The following ZMYM2 variants were observed in gnomAD, a reference collection of about 807,000 sequenced individuals.
ZMYM2 encodes the protein zinc finger MYM-type protein 2.
ZMYM2 carries 56 observed loss-of-function variants against 162.8 expected under a neutral mutation model. The observed-to-expected ratio is 0.34, with a 90% confidence interval of 0.28 to 0.43. ZMYM2 has a LOEUF of 0.43. Ranked by LOEUF, ZMYM2 falls within the 20% of genes least tolerant of loss-of-function variation. ZMYM2 has a pLI of 1.00. For missense variants in ZMYM2, 1,275 were observed against 1,621.8 expected, an observed-to-expected ratio of 0.79 and a Z score of 3.67; for synonymous variants, 510 against 541.6, an observed-to-expected ratio of 0.94 and a Z score of 0.81.
chr13:20,079,377 G>T (rs1426097840), intron 21 of ZMYM2, among the ~76,000 whole-genome samples: 2 of 80,066 alleles, frequency 2.5e-5, no homozygotes, highest in East Asian at 3.8e-4. Flanking sequence ...CATAATTGAA[G>T]ACTTTCTGTG....
chr13:19,995,771 G>A (rs1949973911), intron 3 of ZMYM2, among the ~76,000 whole-genome samples: 1 of 152,114 alleles, frequency 6.6e-6, no homozygotes, highest in South Asian at 2.1e-4. Context: ...TTAAAATATG[G>A]AAGTGATAAG....
the ZMYM2 span, among the ~76,000 whole-genome samples, chr13:19,920,397 C>T: frequency 6.6e-6 from 1 of 152,022 alleles, no homozygotes; most frequent in Admixed American, 6.6e-5. Flanking sequence ...TCATCTCTTG[C>T]TCTGTGGAAA....
At chr13:19,942,917 T>G in the ZMYM2 span, among the ~76,000 whole-genome samples, 1 of 152,116 alleles carries the variant, frequency 6.6e-6, no homozygotes, top group Non-Finnish European at 1.5e-5. Flanking sequence ...CTTGGGGAAT[T>G]ACATGCTAAA....
At chr13:20,051,820 G>A (rs1172390865) in intron 13 of ZMYM2, among the ~76,000 whole-genome samples, 2 of 152,076 alleles carry the variant, frequency 1.3e-5, no homozygotes, top group Non-Finnish European at 2.9e-5. Context: ...TTGAGAAAAG[G>A]CATAGTTGAG....
At chr13:20,015,087 A>G (rs1001905089) in intron 6 of ZMYM2, among the ~76,000 whole-genome samples, 1 of 152,052 alleles carries the variant, frequency 6.6e-6, no homozygotes, top group Non-Finnish European at 1.5e-5. Flanking sequence ...TAACATAAGC[A>G]TTTAAAATTT....
intron 3 of ZMYM2, among the ~76,000 whole-genome samples, chr13:20,000,759 A>G (rs4427652): frequency 0.33 from 50,898 of 152,156 alleles, 8,778 homozygotes; most frequent in Admixed American, 0.39. Context: ...ACCTGCTACC[A>G]CAATATTCAT....
intron 6 of ZMYM2, among the ~76,000 whole-genome samples, chr13:20,015,432 G>T (rs189935092): frequency 1.3e-5 from 2 of 152,172 alleles, no homozygotes; most frequent in Admixed American, 6.5e-5. Context: ...TTCTACTGTT[G>T]TTGGCAAGAA....
chr13:19,896,033 A>ATTTTT, the ZMYM2 span, among the ~76,000 whole-genome samples: 2 of 147,402 alleles, frequency 1.4e-5, no homozygotes, highest in African/African-American at 2.5e-5. Context: ...TTCTGATTCC[A>ATTTTT]TTTTTTTTTT....
chr13:20,015,089 T>G (rs141294535), intron 6 of ZMYM2, among the ~76,000 whole-genome samples: 156 of 152,288 alleles, frequency 1.0e-3, no homozygotes, highest in Non-Finnish European at 1.2e-3. Context: ...ACATAAGCAT[T>G]TAAAATTTTA....
At chr13:19,988,502 G>C (rs1197092227) in intron 2 of ZMYM2, among the ~76,000 whole-genome samples, 4 of 152,178 alleles carry the variant, frequency 2.6e-5, no homozygotes, top group African/African-American at 9.6e-5. Flanking sequence ...AGTTACGGCC[G>C]GGCATGGTGG....
chr13:19,960,242 A>G (rs1031695411), intron 2 of ZMYM2, among the ~76,000 whole-genome samples: 5 of 152,202 alleles, frequency 3.3e-5, no homozygotes, highest in African/African-American at 7.2e-5. Context: ...TGCTGCTGCA[A>G]TACCAACCTC....
chr13:19,970,729 A>G (rs1252901537), intron 2 of ZMYM2, among the ~76,000 whole-genome samples: 1 of 152,198 alleles, frequency 6.6e-6, no homozygotes, highest in African/African-American at 2.4e-5. Context: ...CAATAAGAGC[A>G]TAGGTCTTTT....
intron 2 of ZMYM2, among the ~76,000 whole-genome samples, chr13:19,969,466 T>C (rs1035778284): frequency 6.6e-6 from 1 of 152,352 alleles, no homozygotes; most frequent in Non-Finnish European, 1.5e-5. Flanking sequence ...CGTAATATAG[T>C]ATAAGGTCTT....
chr13:19,947,805 C>T, the ZMYM2 span, among the ~76,000 whole-genome samples: 13 of 152,012 alleles, frequency 8.6e-5, no homozygotes, highest in Non-Finnish European at 1.8e-4. Flanking sequence ...CTATGTATCT[C>T]TTTTAAAAAT....
intron 9 of ZMYM2, among the ~76,000 whole-genome samples, chr13:20,030,615 G>A (rs887061202): frequency 5.3e-5 from 8 of 152,068 alleles, no homozygotes; most frequent in South Asian, 2.1e-4. Flanking sequence ...AGCCAGGATG[G>A]TCTCGATCTC....
the ZMYM2 span, among the ~76,000 whole-genome samples, chr13:19,866,988 C>T: frequency 6.6e-6 from 1 of 152,094 alleles, no homozygotes; most frequent in Non-Finnish European, 1.5e-5. Flanking sequence ...ATATTTAATT[C>T]TTGGAGTTAA....
At chr13:19,870,711 C>T in the ZMYM2 span, among the ~76,000 whole-genome samples, 1 of 151,948 alleles carries the variant, frequency 6.6e-6, no homozygotes, top group African/African-American at 2.4e-5. Context: ...ACTGCAGCCT[C>T]TGCCACCCGG....
chr13:20,061,293 A>G, intron 17 of ZMYM2, 69 bp downstream of exon 17: 1 of 1,525,850 alleles, frequency 6.6e-7, no homozygotes. Flanking sequence ...TTGTTACAGT[A>G]CTTTCCAGGG....
chr13:20,061,041 T>G lies in ZMYM2; in HGVS notation c.2740-12T>G. 1.9e-6 allele frequency: 3 copies of G among 1,600,090 alleles called. No individual in the cohort carries two copies. The highest frequency in any genetic ancestry group is 2.6e-6 in the Non-Finnish European group (3 of 1,172,878). Reference sequence around the variant, plus strand: ...TTTAGTAAACCTAACTCAAAATGATTTGGTTAATTAGGTGCCAGTTCCTGT... The same window carrying G: ...TTTAGTAAACCTAACTCAAAATGATGTGGTTAATTAGGTGCCAGTTCCTGT... On this transcript the variant is annotated splice_polypyrimidine_tract_variant and intron_variant, in intron 16 of 24. Transcript: ENST00000610343.
Sources: gnomAD v4.1 joint callset for allele counts (sites outside exome capture counted in the v4.1 genomes callset) on GRCh38, gnomAD v4.1.1 for gene constraint, MANE v1.5 for transcripts, NCBI Gene and HGNC (gene_info 2026-07-23, HGNC 2026-07-21) for gene names.